FAM20C: variants seen among roughly 807,000 people sequenced by gnomAD.
FAM20C encodes FAM20C golgi associated secretory pathway kinase.
FAM20C carries 40 observed loss-of-function variants against 51.5 expected under a neutral mutation model. The observed-to-expected ratio is 0.78, with a 90% CI of 0.60 to 1.01. The LOEUF (loss-of-function observed/expected upper bound fraction) is 1.01. Ranked by LOEUF, FAM20C falls within the 50% of genes least tolerant of loss-of-function variation. FAM20C has a pLI of 0.00. For missense variants in FAM20C, 861 were observed against 844.7 expected (o/e 1.02, Z -0.24); for synonymous variants, 406 against 380.6 (o/e 1.07, Z -0.78).
chr7:255,320 C>T (rs1030231859), intron 5 of FAM20C, among the ~76,000 whole-genome samples: 22 of 152,186 alleles, frequency 1.4e-4, no homozygotes, highest in Non-Finnish European at 2.5e-4. Context: ...TGCATCTCCC[C>T]GGTGACTCAC....
intron 3 of FAM20C, among the ~76,000 whole-genome samples, chr7:226,510 G>C (rs1038336142): frequency 6.6e-6 from 1 of 152,202 alleles, no homozygotes; most frequent in Non-Finnish European, 1.5e-5. Flanking sequence ...GCAGCCACAC[G>C]GCCGCCCGGC....
intron 3 of FAM20C, among the ~76,000 whole-genome samples, chr7:245,229 A>G (rs941620243): frequency 6.6e-6 from 1 of 152,262 alleles, no homozygotes; most frequent in Non-Finnish European, 1.5e-5. Context: ...GTTGGAGCCC[A>G]GACGGAACAC....
chr7:199,575 T>C (rs761584049), intron 2 of FAM20C, among the ~76,000 whole-genome samples: 4 of 152,218 alleles, frequency 2.6e-5, no homozygotes, highest in Non-Finnish European at 5.9e-5. Context: ...CCTGCGAGTC[T>C]CCAAAGCCTT....
At chr7:224,146 G>A (rs1304247501) in intron 3 of FAM20C, among the ~76,000 whole-genome samples, 1 of 148,510 alleles carries the variant, frequency 6.7e-6, no homozygotes, top group Non-Finnish European at 1.5e-5. Flanking sequence ...GGGTCTCACA[G>A]CGGCTGTCCC....
At chr7:216,619 A>AGTGTGTG (rs1786978413) in intron 3 of FAM20C, among the ~76,000 whole-genome samples, 1 of 131,334 alleles carries the variant, frequency 7.6e-6, no homozygotes, top group African/African-American at 3.3e-5. Flanking sequence ...GTGTGTGTGT[A>AGTGTGTG]TGAGTGTGTG....
intron 3 of FAM20C, among the ~76,000 whole-genome samples, chr7:226,534 T>A (rs1787455312): frequency 1.3e-5 from 2 of 152,046 alleles, no homozygotes; most frequent in Admixed American, 6.5e-5. Flanking sequence ...GCCTCTCAGG[T>A]GGCCCCGTGT....
Position 214,882 on chromosome 7 carries a change from C to A in FAM20C, c.863+5906C>A, listed in dbSNP as rs146589850. 6.8e-3 allele frequency among the ~76,000 whole-genome samples: 1,031 copies of A among 152,218 alleles called. 11 individuals are homozygous for A. Among genetic ancestry groups the A allele is most frequent in the African/African-American group, 0.024 (984 of 41,508 alleles). On this transcript the variant is annotated intron_variant, in intron 3 of 9. Transcript: ENST00000313766. ...TGCCCATGACACTGGCTGTGACCACCTCCAGGTAGAAATATTCATTTAGTC... is the reference window on the plus strand; with the variant it reads ...TGCCCATGACACTGGCTGTGACCACATCCAGGTAGAAATATTCATTTAGTC...
chr7:242,250 G>GGGCTGGC (rs1787968576), intron 3 of FAM20C, among the ~76,000 whole-genome samples: 2 of 152,238 alleles, frequency 1.3e-5, no homozygotes, highest in Non-Finnish European at 2.9e-5. Context: ...TTTGGAACCT[G>GGGCTGGC]GGCTGGCGAG....
chr7:257,960 C>A lies in FAM20C; in HGVS notation c.1446-686C>A, dbSNP rs1276229127. 8.6e-4 allele frequency among the ~76,000 whole-genome samples: 73 copies of A among 84,976 alleles called. 5 individuals are homozygous for A. The highest frequency in any genetic ancestry group is 2.6e-3 in the African/African-American group (50 of 18,910). 55.7% of individuals were successfully genotyped at this position (84,976 alleles called of 152,430 possible). ...GGAGATGCCCGGGGTGGACCCACTGCCTGAGGTGCTGGAGATAGGCAGTGT... is the reference window on the plus strand; with the variant it reads ...GGAGATGCCCGGGGTGGACCCACTGACTGAGGTGCTGGAGATAGGCAGTGT... On this transcript the variant is annotated intron_variant, in intron 8 of 9. Coordinates refer to ENST00000313766, the MANE Select transcript of FAM20C (RefSeq NM_020223.4).
chr7:196,718 C>A (rs1014342798), intron 2 of FAM20C, among the ~76,000 whole-genome samples: 2 of 152,206 alleles, frequency 1.3e-5, no homozygotes, highest in Admixed American at 1.3e-4. Context: ...ACTTAGGTGT[C>A]CCCTTTCAGG....
intron 5 of FAM20C, 107 bp from the exon 6 acceptor site, chr7:255,742 C>T: frequency 1.6e-6 from 2 of 1,223,902 alleles, no homozygotes; most frequent in Non-Finnish European, 2.3e-6. Flanking sequence ...GAGTCCTGCC[C>T]ATGAGAAGCA....
chr7:206,252 C>T (rs1448719962), intron 2 of FAM20C, among the ~76,000 whole-genome samples: 2 of 152,196 alleles, frequency 1.3e-5, no homozygotes, highest in Non-Finnish European at 2.9e-5. Flanking sequence ...TCCAAACCAC[C>T]ACCGTCTCCT....
chr7:257,727 C>CA (rs1788638892), intron 8 of FAM20C, among the ~76,000 whole-genome samples: 1 of 142,730 alleles, frequency 7.0e-6, no homozygotes, highest in Non-Finnish European at 1.5e-5. Context: ...TGGGGACAGG[C>CA]GGGGTGGACC....
intron 5 of FAM20C, among the ~76,000 whole-genome samples, chr7:253,507 A>T (rs1428588272): frequency 1.4e-5 from 2 of 147,006 alleles, no homozygotes; most frequent in Non-Finnish European, 3.1e-5. Flanking sequence ...GTCTTTTATT[A>T]TTACTAAAAT....
At chr7:231,949 CCG>C in intron 3 of FAM20C, among the ~76,000 whole-genome samples, 1 of 152,228 alleles carries the variant, frequency 6.6e-6, no homozygotes, top group African/African-American at 2.4e-5. Context: ...GCCCCAGCAC[CCG>C]CCCCTGCCCA....
intron 3 of FAM20C, among the ~76,000 whole-genome samples, chr7:216,706 A>AGT (rs140397697): frequency 0.096 from 14,181 of 148,252 alleles, 1,357 homozygotes; most frequent in African/African-American, 0.23. Context: ...TGTGAGACAG[A>AGT]GTGTGTGTGT....
At position 259,867 on chromosome 7, in the gene FAM20C, C is replaced by A. The variant is rs1053394665; in HGVS notation, c.1642C>A (p.Arg548=). Residue 548 remains arginine, a synonymous_variant, in exon 10 of 10, where the codon CGG becomes AGG. Coordinates refer to ENST00000313766, the MANE Select transcript of FAM20C (RefSeq NM_020223.4). ...LYQPHLEALD[R]RLRVVLKAVR... is the part of the protein sequence containing the mutation. ...CCAGCCGCACCTGGAGGCCCTGGAC[C>A]GGCGGCTCCGCGTCGTGCTAAAGGC... 1.3e-6 allele frequency: 2 copies of A among 1,536,170 alleles called. No individual in the cohort carries two copies. Among genetic ancestry groups the A allele is most frequent in the African/African-American group, 2.7e-5 (2 of 73,054 alleles).
In FAM20C at chr7:258,724, C is replaced by T. The variant is rs1788748137; in HGVS notation, c.1505+19C>T. The T allele has an allele frequency of 5.2e-6, 8 of 1,531,072 alleles. No homozygotes were observed. The highest frequency in any genetic ancestry group is 6.1e-6 in the Non-Finnish European group (7 of 1,143,224). The allele number at this position is 1,531,072 out of a possible 1,614,324, so 94.8% of individuals were successfully genotyped here. On this transcript the variant is annotated intron_variant, in intron 9 of 9. Transcript: ENST00000313766. The stretch of plus-strand genomic sequence containing the variant: ...GCTGCAGGTACAGCCCCTGCCGGAG[C>T]CGGCTCCAGCTCCACCCTCCTCCCT...
chr7:227,938 C>G (rs1787507509), intron 3 of FAM20C: 1 of 154,946 alleles, frequency 6.5e-6, no homozygotes, highest in Non-Finnish European at 1.4e-5. Flanking sequence ...GATTTTCCAG[C>G]CAAAGAAATG....
Sources: gnomAD v4.1 joint callset for allele counts (sites outside exome capture counted in the v4.1 genomes callset) on GRCh38, gnomAD v4.1.1 for gene constraint, MANE v1.5 for transcripts, NCBI Gene and HGNC (gene_info 2026-07-23, HGNC 2026-07-21) for gene names.